XPO4: variants seen among roughly 807,000 people sequenced by gnomAD.
The protein encoded by XPO4 is exportin 4.
XPO4 carries 39 observed loss-of-function variants against 143.0 expected under a neutral mutation model. That is an observed-to-expected ratio of 0.27 (90% confidence interval 0.21 to 0.36). The LOEUF (loss-of-function observed/expected upper bound fraction) is 0.36. Ranked by LOEUF, XPO4 falls within the 10% of genes least tolerant of loss-of-function variation. The pLI, the probability that XPO4 is intolerant of heterozygous loss-of-function variation, is 1.00. For synonymous variants in XPO4, 439 were observed against 474.0 expected, an observed-to-expected ratio of 0.93 and a Z score of 0.96; for missense variants, 907 against 1,348.0, an observed-to-expected ratio of 0.67 and a Z score of 5.12.
rs569208022 is a variant in XPO4, at chr13:20,781,016, A to T, written c.*2706T>A. ...AGAAACAAACAAAGGATGTATGGAAAACTAGAGGTTAAAGGATACTATATG... is the reference window on the plus strand; with the variant it reads ...AGAAACAAACAAAGGATGTATGGAATACTAGAGGTTAAAGGATACTATATG... On this transcript the variant is annotated 3_prime_UTR_variant, in exon 23 of 23. Transcript: ENST00000255305. 1.4e-4 allele frequency: 22 copies of T among 152,376 alleles called. No individual in the cohort carries two copies. The highest frequency in any genetic ancestry group is 4.8e-4 in the African/African-American group (20 of 41,588). The allele number at this position is 152,376 out of a possible 1,614,324, so 9.4% of individuals were successfully genotyped here.
intron 10 of XPO4, 103 bp downstream of exon 10, chr13:20,809,688 G>A: frequency 7.6e-7 from 1 of 1,307,236 alleles, no homozygotes; most frequent in Non-Finnish European, 1.0e-6. Flanking sequence ...CAAATCTTCT[G>A]AGGGAACCCA....
intron 1 of XPO4, among the ~76,000 whole-genome samples, chr13:20,892,777 G>A (rs1038304237): frequency 6.6e-6 from 1 of 151,970 alleles, no homozygotes; most frequent in Non-Finnish European, 1.5e-5. Flanking sequence ...CCACCTACTC[G>A]GGAGGCTAAA....
intron 13 of XPO4, among the ~76,000 whole-genome samples, chr13:20,804,637 T>C (rs1313047747): frequency 6.6e-6 from 1 of 152,196 alleles, no homozygotes; most frequent in Non-Finnish European, 1.5e-5. Flanking sequence ...ATACAACTCA[T>C]AAAAACACCA....
intron 9 of XPO4, among the ~76,000 whole-genome samples, chr13:20,819,388 G>A (rs1015975303): frequency 4.6e-5 from 7 of 152,044 alleles, no homozygotes; most frequent in South Asian, 2.1e-4. Context: ...TTGGCCAGGC[G>A]CGGTGGCTCA....
At chr13:20,894,657 C>A (rs562498701) in intron 1 of XPO4, among the ~76,000 whole-genome samples, 1 of 151,968 alleles carries the variant, frequency 6.6e-6, no homozygotes, top group East Asian at 1.9e-4. Context: ...GCCTGGCCAA[C>A]ATGGTAAAAC....
At chr13:20,873,241 G>T (rs1435973795) in intron 1 of XPO4, among the ~76,000 whole-genome samples, 4 of 152,062 alleles carry the variant, frequency 2.6e-5, no homozygotes, top group Non-Finnish European at 4.4e-5. Context: ...GTTGCCTTCA[G>T]TTCACAAAAT....
chr13:20,861,256 G>C (rs1055012942), intron 3 of XPO4, among the ~76,000 whole-genome samples: 3 of 150,240 alleles, frequency 2.0e-5, no homozygotes, highest in Non-Finnish European at 3.0e-5. Flanking sequence ...ACAAAAAAAG[G>C]TAAATAGTAA....
chr13:20,893,549 C>A (rs2060538469), intron 1 of XPO4, among the ~76,000 whole-genome samples: 2 of 152,042 alleles, frequency 1.3e-5, no homozygotes, highest in South Asian at 2.1e-4. Flanking sequence ...ACCAGTCTAG[C>A]CAACATGGTG....
At chr13:20,895,338 A>C (rs1354493540) in intron 1 of XPO4, among the ~76,000 whole-genome samples, 2 of 152,124 alleles carry the variant, frequency 1.3e-5, no homozygotes, top group Non-Finnish European at 2.9e-5. Flanking sequence ...CCATTCTTAG[A>C]AGTTTAGTAT....
In XPO4 at chr13:20,787,495, G is replaced by A. The variant is rs767138478; in HGVS notation, c.3151C>T (p.Arg1051Trp). The change falls in exon 21 of 23, where the codon CGG becomes TGG. Residue 1051 changes from arginine (R) to tryptophan (W), a missense_variant. Arg to Trp is a moderately radical substitution (Grantham distance 101). Coordinates refer to ENST00000255305, the MANE Select transcript of XPO4 (RefSeq NM_022459.5). The stretch of plus-strand genomic sequence containing the variant: ...AGACATCTTACCTTAAGAAAGTGCC[G>A]TGTTGCTAGAAAAAGTGGTGAGTCT... ...ETDSPLFLAT[R>W]HFLKLVFDML... The A allele has an allele frequency of 9.9e-6, 16 of 1,614,040 alleles. No homozygotes were observed. The highest frequency in any genetic ancestry group is 4.0e-5 in the African/African-American group (3 of 74,922).
intron 4 of XPO4, chr13:20,851,725 AAAAAAGAAAG>A: frequency 4.3e-6 from 4 of 923,134 alleles, no homozygotes; most frequent in African/African-American, 3.7e-5. Context: ...AAAAAAAAAA[AAAAAAGAAAG>A]AAAGAAAGAA....
intron 4 of XPO4, chr13:20,853,009 T>A: frequency 1.0e-6 from 1 of 985,390 alleles, no homozygotes; most frequent in Non-Finnish European, 1.2e-6. Context: ...CTATATCTAC[T>A]ACCACAATTT....
rs2059103951 is a variant in XPO4 at position 20,778,086 on chromosome 13, G to T, written c.*5636C>A. On this transcript the variant is annotated 3_prime_UTR_variant, in exon 23 of 23. Coordinates refer to ENST00000255305, the MANE Select transcript of XPO4 (RefSeq NM_022459.5). ...TCAAAGGCATCACTCATAAGCAACC[G>T]AATTGTATTTTTGGAGAGCACCATT... 1 of 152,114 alleles carries T rather than the reference G, an allele frequency of 6.6e-6. No individual in the cohort carries two copies. Among genetic ancestry groups the T allele is most frequent in the African/African-American group, 2.4e-5 (1 of 41,436 alleles). 9.4% of individuals were successfully genotyped at this position (152,114 alleles called of 1,614,324 possible). A position where few individuals can be genotyped will look rare whatever the true frequency, so the allele number is the denominator to read the frequency against.
chr13:20,853,026 C>T (rs1335341419), intron 4 of XPO4: 2 of 985,244 alleles, frequency 2.0e-6, no homozygotes, highest in Non-Finnish European at 2.4e-6. Context: ...ATTTATATTA[C>T]TCTAAGTAAA....
intron 4 of XPO4, chr13:20,848,535 C>G (rs1281783294): frequency 1.0e-6 from 1 of 985,214 alleles, no homozygotes; most frequent in Non-Finnish European, 1.2e-6. Flanking sequence ...TATTTTTTAT[C>G]ATTATCATAG....
intron 9 of XPO4, among the ~76,000 whole-genome samples, chr13:20,818,152 T>C (rs755420050): frequency 9.2e-5 from 14 of 152,224 alleles, no homozygotes; most frequent in Non-Finnish European, 1.9e-4. Context: ...AGTTCAGCAA[T>C]AGATAATAAT....
chr13:20,879,082 G>C, intron 1 of XPO4: 1 of 981,596 alleles, frequency 1.0e-6, no homozygotes, highest in African/African-American at 1.7e-5. Context: ...AAAGATGAAT[G>C]CAAGCACTCA....
chr13:20,835,876 AG>A (rs113318609), intron 6 of XPO4, among the ~76,000 whole-genome samples: 8,702 of 152,220 alleles, frequency 0.057, 625 homozygotes, highest in African/African-American at 0.17. Flanking sequence ...CTACTCAACT[AG>A]AAGACGAAGA....
intron 1 of XPO4, among the ~76,000 whole-genome samples, chr13:20,869,010 CTTA>C (rs1368807411): frequency 3.3e-5 from 5 of 152,096 alleles, no homozygotes; most frequent in Admixed American, 2.0e-4. Context: ...AATTAGTTGA[CTTA>C]TTATCACCTT....
Sources: allele counts gnomAD v4.1 joint callset (sites outside exome capture counted in the v4.1 genomes callset), GRCh38; gene constraint gnomAD v4.1.1; transcripts MANE v1.5; gene names NCBI Gene and HGNC (gene_info 2026-07-23, HGNC 2026-07-21).